Variants in BNIP2 observed in about 807,000 individuals in gnomAD.
BNIP2 encodes BCL2 interacting protein 2.
In BNIP2, 36 loss-of-function variants were observed where a neutral mutation model predicts 43.4. That is an observed-to-expected ratio of 0.83 (90% CI 0.64 to 1.10). BNIP2 has a LOEUF of 1.10. Among genes scored for constraint, BNIP2 ranks in the 50% least tolerant of loss-of-function variants. The pLI is 0.00. For synonymous variants in BNIP2, 146 were observed against 121.0 expected (o/e 1.21, Z -1.35); for missense variants, 417 against 374.1 (o/e 1.11, Z -0.95).
In BNIP2 at chr15:59,661,379, G is replaced by T. The variant is rs533824049; in HGVS notation, c.*2690C>A. 1 of 150,810 alleles carries T rather than the reference G, an allele frequency of 6.6e-6. No individual in the cohort carries two copies. Among genetic ancestry groups the T allele is most frequent in the African/African-American group, 2.4e-5 (1 of 40,978 alleles). 9.3% of individuals were successfully genotyped at this position (150,810 alleles called of 1,614,324 possible). Reference sequence around the variant, plus strand: ...GGGCACACATACAGTGGCATCTTAGGTAACAACTATGTCTTTATCTCTTTA... The same window carrying T: ...GGGCACACATACAGTGGCATCTTAGTTAACAACTATGTCTTTATCTCTTTA... On this transcript the variant is annotated 3_prime_UTR_variant, in exon 10 of 10. Coordinates refer to ENST00000607373, the MANE Select transcript of BNIP2 (RefSeq NM_004330.4).
intron 9 of BNIP2, among the ~76,000 whole-genome samples, chr15:59,667,443 C>A (rs1048710974): frequency 6.6e-6 from 1 of 152,128 alleles, no homozygotes; most frequent in Non-Finnish European, 1.5e-5. Context: ...GTATTTTATA[C>A]CCTTGCCTTT....
chr15:59,673,453 T>C (rs554722792), intron 5 of BNIP2, among the ~76,000 whole-genome samples: 1 of 152,134 alleles, frequency 6.6e-6, no homozygotes, highest in Non-Finnish European at 1.5e-5. Flanking sequence ...GAGGATAGCA[T>C]CTTGCTCCAT....
At chr15:59,668,758 A>C in intron 9 of BNIP2, 134 bp downstream of exon 9, 1 of 428,936 alleles carries the variant, frequency 2.3e-6, no homozygotes, top group Non-Finnish European at 3.6e-6. Flanking sequence ...TTTCTTTGTT[A>C]CACACACACA....
At chr15:59,680,154 G>A in intron 3 of BNIP2, 87 bp downstream of exon 3, 1 of 818,098 alleles carries the variant, frequency 1.2e-6, no homozygotes, top group Non-Finnish European at 1.7e-6. Flanking sequence ...AAAAACTCAA[G>A]TTTTTTTTTT....
At chr15:59,677,432 T>C (rs1402997424) in intron 5 of BNIP2, 25 of 1,458,528 alleles carry the variant, frequency 1.7e-5, no homozygotes, top group Non-Finnish European at 2.3e-5. Flanking sequence ...CTAGGAACCA[T>C]TATGGATATA....
chr15:59,669,338 T>A lies in BNIP2; in HGVS notation c.732A>T (p.Leu244=), dbSNP rs201366762. Residue 244 remains leucine (L), a synonymous_variant, in exon 8 of 10, where the codon CTA becomes CTT. Transcript: ENST00000607373. ...DRRLRKNLKS[L]IIVHPSWFIR... ...TAAACCAAGAAGGATGTACAATGAT[T>A]AGGGATTTTAGATTTTTCCGTAACC... is the stretch of plus-strand genomic sequence containing the variant. 48 of 1,535,194 alleles carry A rather than the reference T, an allele frequency of 3.1e-5. No homozygotes were observed. Among genetic ancestry groups the A allele is most frequent in the Non-Finnish European group, 6.1e-6 (7 of 1,147,408 alleles).
chr15:59,685,649 T>C (rs1406758109), intron 1 of BNIP2, among the ~76,000 whole-genome samples: 9 of 152,198 alleles, frequency 5.9e-5, no homozygotes, highest in African/African-American at 1.9e-4. Flanking sequence ...CACATAGACA[T>C]GGATATTTAG....
At chr15:59,688,526 T>C (rs1894167074) in intron 1 of BNIP2, 3 of 581,462 alleles carry the variant, frequency 5.2e-6, no homozygotes, top group Non-Finnish European at 5.9e-6. Context: ...CACAGACAAG[T>C]AACTCTCCAG....
intron 5 of BNIP2, chr15:59,677,156 T>C: frequency 1.3e-6 from 2 of 1,591,558 alleles, no homozygotes; most frequent in Non-Finnish European, 1.7e-6. Context: ...AGAAGGTGAT[T>C]TACTACCTCT....
intron 9 of BNIP2, among the ~76,000 whole-genome samples, chr15:59,667,752 C>T (rs1322010692): frequency 9.9e-5 from 15 of 152,120 alleles, no homozygotes; most frequent in African/African-American, 2.9e-4. Flanking sequence ...CACAAGTTAG[C>T]GATTTAAAGA....
At chr15:59,688,843 G>C in intron 1 of BNIP2, 3 of 1,527,516 alleles carry the variant, frequency 2.0e-6, no homozygotes, top group Non-Finnish European at 2.6e-6. Flanking sequence ...GGGGAGCGGA[G>C]GAGGGGCAAG....
At position 59,668,936 on chromosome 15, in the gene BNIP2, T is replaced by C. The variant is rs1892732714; in HGVS notation, c.849A>G (p.Glu283=). ...RYVFNLAELA[E]LVPMEYVGIP... ...TGCCAACGTATTCCATGGGGACAAG[T>C]TCTGCTAGTTCTGCCAAATTAAACA... is the stretch of plus-strand genomic sequence containing the variant. Residue 283 remains glutamate, a synonymous_variant, in exon 9 of 10, where the codon GAA becomes GAG. Transcript: ENST00000607373. 1 of 1,613,770 alleles carries C rather than the reference T, an allele frequency of 6.2e-7. No individual in the cohort carries two copies.
At chr15:59,668,653 C>T in intron 9 of BNIP2, 1 of 424,466 alleles carries the variant, frequency 2.4e-6, no homozygotes, top group Non-Finnish European at 4.2e-6. Flanking sequence ...TAACATGAAT[C>T]ACAACCGGAA....
At chr15:59,677,246 G>A (rs1893362692) in intron 5 of BNIP2, 4 of 1,595,938 alleles carry the variant, frequency 2.5e-6, no homozygotes, top group East Asian at 2.2e-5. Context: ...AGCCCCGGCT[G>A]GACTGCTTGA....
chr15:59,675,393 G>C (rs567545791), intron 5 of BNIP2, among the ~76,000 whole-genome samples: 88 of 151,940 alleles, frequency 5.8e-4, no homozygotes, highest in South Asian at 2.3e-3. Flanking sequence ...AGCAAATCAC[G>C]AGGTCAGGTG....
chr15:59,664,238 G>T, intron 9 of BNIP2, 118 bp from the exon 10 acceptor site: 1 of 592,596 alleles, frequency 1.7e-6, no homozygotes. Context: ...TTGCAAAGAA[G>T]CAGACATAGT....
chr15:59,677,052 A>G, intron 5 of BNIP2: 4 of 1,611,800 alleles, frequency 2.5e-6, no homozygotes. Flanking sequence ...TGGCATTCAG[A>G]TGACTTCATC....
intron 7 of BNIP2, among the ~76,000 whole-genome samples, chr15:59,669,767 GTGGAGAAGA>G (rs1321136216): frequency 2.6e-5 from 4 of 152,218 alleles, no homozygotes; most frequent in Non-Finnish European, 5.9e-5. Context: ...AGAAGTGTGA[GTGGAGAAGA>G]TGACCACAGG....
intron 9 of BNIP2, among the ~76,000 whole-genome samples, chr15:59,664,527 G>A (rs1231179478): frequency 2.0e-5 from 3 of 151,952 alleles, no homozygotes; most frequent in Non-Finnish European, 4.4e-5. Context: ...GACTACAGGC[G>A]CCCGCCACCA....
Sources: gnomAD v4.1 joint callset for allele counts (sites outside exome capture counted in the v4.1 genomes callset) on GRCh38, gnomAD v4.1.1 for gene constraint, MANE v1.5 for transcripts, NCBI Gene and HGNC (gene_info 2026-07-23, HGNC 2026-07-21) for gene names.